SBDS: variants seen among roughly 807,000 people sequenced by gnomAD.
SBDS encodes the protein ribosome maturation protein SBDS.
SBDS carries 20 observed loss-of-function variants against 26.4 expected under a neutral mutation model. That is an observed-to-expected ratio of 0.76 (90% CI 0.53 to 1.10). SBDS has a LOEUF of 1.10. Among genes scored for constraint, SBDS ranks in the 50% least tolerant of loss-of-function variants. The probability of loss-of-function intolerance (pLI) is 0.00; values close to 1 mark genes in which losing one functional copy is unlikely to be tolerated. For synonymous variants in SBDS, 95 were observed against 105.1 expected (o/e 0.90, Z 0.59); for missense variants, 241 against 302.0 (o/e 0.80, Z 1.50).
rs1792907421 is a variant in SBDS at position 66,988,257 on chromosome 7, A to C, written c.*114T>G. 8.5e-7 allele frequency: 1 copy of C among 1,176,828 alleles called. No homozygotes were observed. Among genetic ancestry groups the C allele is most frequent in the African/African-American group, 1.5e-5 (1 of 66,248 alleles). 72.9% of individuals were successfully genotyped at this position (1,176,828 alleles called of 1,614,324 possible). Reference sequence around the variant, plus strand: ...CCTTGCTGTGTCCACTGTTAACACAAAGATAGAAAATGTCAAATAGTTTAA... The same window carrying C: ...CCTTGCTGTGTCCACTGTTAACACACAGATAGAAAATGTCAAATAGTTTAA... On this transcript the variant is annotated 3_prime_UTR_variant, in exon 5 of 5. Coordinates refer to ENST00000246868, the MANE Select transcript of SBDS (RefSeq NM_016038.4).
At chr7:66,990,041 T>TG (rs1792942388) in intron 4 of SBDS, among the ~76,000 whole-genome samples, 1 of 148,408 alleles carries the variant, frequency 6.7e-6, no homozygotes, top group African/African-American at 2.5e-5. Context: ...TTTTTTGAGA[T>TG]GGAGTTTCGC....
intron 1 of SBDS, among the ~76,000 whole-genome samples, chr7:66,994,919 G>T (rs895904873): frequency 9.2e-5 from 14 of 152,174 alleles, no homozygotes; most frequent in African/African-American, 3.1e-4. Flanking sequence ...ACTTTAAACT[G>T]CTAGGGCTAC....
At chr7:66,994,379 C>T in intron 1 of SBDS, 38 bp from the exon 2 acceptor site, 2 of 1,597,410 alleles carry the variant, frequency 1.3e-6, no homozygotes, top group Non-Finnish European at 8.6e-7. Context: ...TGTGAATATA[C>T]TTGAAACTTG....
chr7:66,988,412 T>G lies in SBDS; in HGVS notation c.712A>C (p.Asn238His). 1 of 1,613,888 alleles carries G rather than the reference T, an allele frequency of 6.2e-7. No homozygotes were observed. Among genetic ancestry groups the G allele is most frequent in the South Asian group, 1.1e-5 (1 of 91,086 alleles). ...TCTCCTTCTTCTACATCTTTCAGAT[T>G]GAGTACTTCCAAAGAACCTTTGCCT... is the stretch of plus-strand genomic sequence containing the variant. ...TKGKGSLEVL[N>H]LKDVEEGDEK... The change falls in exon 5 of 5, where the codon AAT becomes CAT. Residue 238 changes from asparagine (N) to histidine (H), a missense_variant. Coordinates refer to ENST00000246868, the MANE Select transcript of SBDS (RefSeq NM_016038.4).
chr7:66,990,989 C>T, intron 4 of SBDS, 148 bp downstream of exon 4: 1 of 694,918 alleles, frequency 1.4e-6, no homozygotes, highest in Non-Finnish European at 2.3e-6. Context: ...TGCACTCCAG[C>T]CTGGGCAACA....
chr7:66,992,905 G>A lies in SBDS; in HGVS notation c.459+312C>T, dbSNP rs575644216. On this transcript the variant is annotated intron_variant, in intron 3 of 4. Transcript: ENST00000246868. ...GCCTATAATCCCAGCTACTCAGGAG[G>A]CTGAGGCAGGAGACTTGCTTGAACG... is the stretch of plus-strand genomic sequence containing the variant. 2.0e-5 allele frequency among the ~76,000 whole-genome samples: 3 copies of A among 151,910 alleles called. No homozygotes were observed. In the South Asian group the frequency reaches 6.2e-4, roughly 32 times the overall value.
chr7:66,991,866 C>G (rs1453756188), intron 3 of SBDS, among the ~76,000 whole-genome samples: 1 of 152,056 alleles, frequency 6.6e-6, no homozygotes, highest in East Asian at 1.9e-4. Flanking sequence ...ATCAAAACCA[C>G]GACAAGATAC....
Position 66,995,480 on chromosome 7 carries a change from G to A in SBDS, c.-63C>T. On this transcript the variant is annotated 5_prime_UTR_variant, in exon 1 of 5. Transcript: ENST00000246868. ...GCTGACCCGCGCCGTCCAGCCTGAA[G>A]GCCACCAGCGCCTCGCGGTAACGAC... 6.2e-7 allele frequency: 1 copy of A among 1,609,618 alleles called. No homozygotes were observed. Among genetic ancestry groups the A allele is most frequent in the Non-Finnish European group, 8.5e-7 (1 of 1,177,902 alleles).
chr7:66,994,150 AT>A, intron 2 of SBDS, 61 bp downstream of exon 2: 1 of 1,556,614 alleles, frequency 6.4e-7, no homozygotes, highest in African/African-American at 1.3e-5. Context: ...TTAATGTTTA[AT>A]ATATCTACAA....
intron 1 of SBDS, 62 bp downstream of exon 1, chr7:66,995,228 C>G (rs2129232870): frequency 6.2e-7 from 1 of 1,610,148 alleles, no homozygotes; most frequent in Non-Finnish European, 8.5e-7. Context: ...TGGGCAGAGA[C>G]AGGCCGCCTC....
chr7:66,993,648 CAT>C (rs1284039992), intron 2 of SBDS, among the ~76,000 whole-genome samples: 1 of 152,038 alleles, frequency 6.6e-6, no homozygotes, highest in Admixed American at 6.6e-5. Flanking sequence ...CTAAGGCGGG[CAT>C]ATCACCCAAG....
chr7:66,994,061 C>T, intron 2 of SBDS, 151 bp downstream of exon 2: 1 of 671,288 alleles, frequency 1.5e-6, no homozygotes, highest in Non-Finnish European at 2.4e-6. Context: ...AACAAAACCA[C>T]CAAGTTCTTT....
Position 66,995,379 on chromosome 7 carries a change from G to C in SBDS, c.39C>G (p.Thr13=). The change falls in exon 1 of 5, where the codon ACC becomes ACG. Residue 13 remains threonine, a synonymous_variant. Coordinates refer to ENST00000246868, the MANE Select transcript of SBDS (RefSeq NM_016038.4). ...IFTPTNQIRL[T]NVAVVRMKRA... ...GCTTCATCCGTACCACGGCCACATT[G>C]GTTAGGCGGATCTGGTTGGTGGGGG... 3 of 1,614,122 alleles carry C rather than the reference G, an allele frequency of 1.9e-6. No individual in the cohort carries two copies. The highest frequency in any genetic ancestry group is 2.5e-6 in the Non-Finnish European group (3 of 1,180,020).
At chr7:66,990,967 A>T (rs1562954344) in intron 4 of SBDS, 170 bp downstream of exon 4, 6 of 571,542 alleles carry the variant, frequency 1.0e-5, no homozygotes. Context: ...CAGTGAGCTG[A>T]GATAGCACCA....
At chr7:66,992,413 TTTG>T (rs1163229242) in intron 3 of SBDS, among the ~76,000 whole-genome samples, 17 of 152,156 alleles carry the variant, frequency 1.1e-4, no homozygotes, top group Admixed American at 8.5e-4. Context: ...GTTCCAAAAC[TTTG>T]TTAATATACC....
rs1461134212 is a variant in SBDS at position 66,995,303 on chromosome 7, A to G, written c.115T>C (p.Trp39Arg). 17 of 1,613,828 alleles carry G rather than the reference A, an allele frequency of 1.1e-5. No homozygotes were observed. Among genetic ancestry groups the G allele is most frequent in the Non-Finnish European group, 1.4e-5 (17 of 1,180,000 alleles). Residue 39 changes from tryptophan (W) to arginine (R), a missense_variant, in exon 1 of 5, where the codon TGG becomes CGG. Coordinates refer to ENST00000246868, the MANE Select transcript of SBDS (RefSeq NM_016038.4). Reference protein sequence around the residue: ...IACYKNKVVGWRSGVEKDLDE... With the variant: ...IACYKNKVVGRRSGVEKDLDE... ...GGGGCTACTCACACGCCGCTCCGCC[A>G]GCCGACGACCTTGTTTTTGTAGCAG...
chr7:66,988,349 G>C lies in SBDS; in HGVS notation c.*22C>G. The C allele has an allele frequency of 6.2e-7, 1 of 1,611,752 alleles. No homozygotes were observed. Among genetic ancestry groups the C allele is most frequent in the Non-Finnish European group, 8.5e-7 (1 of 1,179,560 alleles). ...GAAACGGAAACACTTTAGTGTTTTA[G>C]AGGTGAAGAGATTGATGGGTGTCAT... On this transcript the variant is annotated 3_prime_UTR_variant, in exon 5 of 5. Coordinates refer to ENST00000246868, the MANE Select transcript of SBDS (RefSeq NM_016038.4).
rs1379914632 is a variant in SBDS at position 66,995,200 on chromosome 7, T to A, written c.128+90A>T. 1.9e-6 allele frequency: 3 copies of A among 1,566,400 alleles called. No individual in the cohort carries two copies. In the Admixed American group the frequency reaches 5.0e-5, roughly 26 times the overall value. ...TTCCTCCCCGGCCAACACCCCAGCC[T>A]GGCCCATTCACTCGACTTGGGCAGA... On this transcript the variant is annotated intron_variant, in intron 1 of 4. Coordinates refer to ENST00000246868, the MANE Select transcript of SBDS (RefSeq NM_016038.4).
rs554285052 is a variant in SBDS, at chr7:66,993,852, C to CA, written c.258+359_258+360insT. Among the ~76,000 whole-genome samples the CA allele has an allele frequency of 3.1e-3, 469 of 151,568 alleles. 2 individuals carry two copies. The highest frequency in any genetic ancestry group is 1.0e-2 in the African/African-American group (413 of 41,330). ...GCAGTGAAGTGCACTGCACTCCAGC[C>CA]TGGGCAACAGAGCAAGACTCTGTCC... On this transcript the variant is annotated intron_variant, in intron 2 of 4. Coordinates refer to ENST00000246868, the MANE Select transcript of SBDS (RefSeq NM_016038.4).
Sources: gnomAD v4.1 joint callset for allele counts (sites outside exome capture counted in the v4.1 genomes callset) on GRCh38, gnomAD v4.1.1 for gene constraint, MANE v1.5 for transcripts, NCBI Gene and HGNC (gene_info 2026-07-23, HGNC 2026-07-21) for gene names.